Variants in ST6GALNAC3 observed in about 807,000 individuals in gnomAD.
ST6GALNAC3 encodes the protein alpha-N-acetylgalactosaminide alpha-2,6-sialyltransferase 3.
A neutral mutation model predicts 32.7 loss-of-function variants in ST6GALNAC3; 25 were observed. That is an observed-to-expected ratio of 0.76 (90% CI 0.56 to 1.07). The LOEUF (loss-of-function observed/expected upper bound fraction) is 1.07, where lower values mean the gene tolerates loss of function less well. ST6GALNAC3 is among the 50% of genes least tolerant of loss of function. ST6GALNAC3 has a pLI of 0.00. For missense variants in ST6GALNAC3, 355 were observed against 382.4 expected, an observed-to-expected ratio of 0.93 and a Z score of 0.60; for synonymous variants, 129 against 133.1, an observed-to-expected ratio of 0.97 and a Z score of 0.21.
intron 3 of ST6GALNAC3, among the ~76,000 whole-genome samples, chr1:76,605,906 T>C (rs1238965976): frequency 9.3e-6 from 1 of 107,402 alleles, no homozygotes; most frequent in African/African-American, 3.6e-5. Flanking sequence ...GCAAAGGACA[T>C]GAACAGACAT....
chr1:76,356,513 G>T (rs1000572401), intron 2 of ST6GALNAC3, among the ~76,000 whole-genome samples: 7 of 150,196 alleles, frequency 4.7e-5, no homozygotes, highest in African/African-American at 1.7e-4. Flanking sequence ...AATAACACTA[G>T]TAAGTAAATT....
chr1:76,567,666 A>C (rs1665632355), intron 3 of ST6GALNAC3, among the ~76,000 whole-genome samples: 1 of 152,218 alleles, frequency 6.6e-6, no homozygotes, highest in Non-Finnish European at 1.5e-5. Context: ...AGCCTAAATC[A>C]AATCATACTG....
rs55786044 is a variant in ST6GALNAC3 at position 76,357,130 on chromosome 1, C to CTTTTTTTT, written c.213+43139_213+43146dup. 4.3e-4 allele frequency among the ~76,000 whole-genome samples: 48 copies of CTTTTTTTT among 111,182 alleles called. 4 individuals carry two copies. The highest frequency in any genetic ancestry group is 1.0e-3 in the African/African-American group (30 of 29,600). 72.9% of individuals were successfully genotyped at this position (111,182 alleles called of 152,430 possible). ...TAGTTTTCTTTTTTCTTTTCTTTTT[C>CTTTTTTTT]TTTTTTTTTTTTTTTCATTTTTGAG... On this transcript the variant is annotated intron_variant, in intron 2 of 4. Coordinates refer to ENST00000328299, the MANE Select transcript of ST6GALNAC3 (RefSeq NM_152996.4).
At chr1:76,404,550 C>T (rs1653678824) in intron 2 of ST6GALNAC3, among the ~76,000 whole-genome samples, 2 of 151,978 alleles carry the variant, frequency 1.3e-5, no homozygotes, top group Admixed American at 1.3e-4. Context: ...AAAAGAACAT[C>T]AAGGAGAATA....
At chr1:76,192,951 T>C (rs1240210354) in intron 1 of ST6GALNAC3, among the ~76,000 whole-genome samples, 1 of 152,174 alleles carries the variant, frequency 6.6e-6, no homozygotes, top group East Asian at 1.9e-4. Flanking sequence ...AGAAAGGTCA[T>C]TTTTCAATTT....
chr1:76,582,145 A>G (rs368555342), intron 3 of ST6GALNAC3, among the ~76,000 whole-genome samples: 3 of 152,326 alleles, frequency 2.0e-5, no homozygotes, highest in East Asian at 3.9e-4. Context: ...CAAAGAGAAG[A>G]TTTCACATGT....
intron 3 of ST6GALNAC3, among the ~76,000 whole-genome samples, chr1:76,550,942 T>C (rs1253069459): frequency 6.6e-6 from 1 of 152,064 alleles, no homozygotes; most frequent in Admixed American, 6.6e-5. Flanking sequence ...GTAGTTTTAG[T>C]AAAGACAGGG....
intron 2 of ST6GALNAC3, among the ~76,000 whole-genome samples, chr1:76,390,199 A>G (rs1652427201): frequency 1.3e-5 from 2 of 152,196 alleles, no homozygotes; most frequent in African/African-American, 2.4e-5. Context: ...AGTCTAACAA[A>G]TATTTCTTAA....
chr1:76,495,724 T>C (rs1290297358), intron 3 of ST6GALNAC3, among the ~76,000 whole-genome samples: 1 of 152,194 alleles, frequency 6.6e-6, no homozygotes, highest in African/African-American at 2.4e-5. Context: ...GTATATTTAA[T>C]TGATTACTGA....
intron 3 of ST6GALNAC3, among the ~76,000 whole-genome samples, chr1:76,456,467 C>T (rs1175958459): frequency 6.6e-6 from 1 of 151,956 alleles, no homozygotes. Context: ...CCTCAGTGTC[C>T]TGAGTAGCTA....
intron 2 of ST6GALNAC3, among the ~76,000 whole-genome samples, chr1:76,374,811 G>A (rs548662842): frequency 2.2e-4 from 34 of 152,038 alleles, no homozygotes; most frequent in East Asian, 5.8e-4. Flanking sequence ...ATTTTTATTC[G>A]TTGATTCTTT....
chr1:76,130,826 T>A (rs920661358), intron 1 of ST6GALNAC3, among the ~76,000 whole-genome samples: 27 of 152,270 alleles, frequency 1.8e-4, no homozygotes, highest in Admixed American at 1.6e-3. Flanking sequence ...ATCGCAGAGG[T>A]TGCACCCCGC....
At chr1:76,314,276 C>A (rs1220386252) in intron 2 of ST6GALNAC3, among the ~76,000 whole-genome samples, 1 of 152,108 alleles carries the variant, frequency 6.6e-6, no homozygotes, top group African/African-American at 2.4e-5. Context: ...GCACAACGTA[C>A]ATATCTCTCC....
At chr1:76,164,194 G>A (rs550870947) in intron 1 of ST6GALNAC3, among the ~76,000 whole-genome samples, 43 of 152,176 alleles carry the variant, frequency 2.8e-4, no homozygotes, top group Non-Finnish European at 5.3e-4. Context: ...TTAGGGATAT[G>A]CTGATAGGCT....
At position 76,106,275 on chromosome 1, in the gene ST6GALNAC3, A is replaced by G. The variant is rs1298870492; in HGVS notation, c.18+31391A>G. ...AGACTAAAAATGTTGTTGTTATAAC[A>G]GATCCTTGTCTTGCAGGGCAGTCTT... On this transcript the variant is annotated intron_variant, in intron 1 of 4. Coordinates refer to ENST00000328299, the MANE Select transcript of ST6GALNAC3 (RefSeq NM_152996.4). 2.0e-5 allele frequency among the ~76,000 whole-genome samples: 3 copies of G among 152,340 alleles called. No homozygotes were observed. The East Asian group carries it at 5.8e-4, about 29-fold the overall frequency.
intron 3 of ST6GALNAC3, among the ~76,000 whole-genome samples, chr1:76,523,949 C>G (rs1398285986): frequency 6.6e-6 from 1 of 152,102 alleles, no homozygotes; most frequent in African/African-American, 2.4e-5. Context: ...TCAGCACAAT[C>G]TTCCAGAAAA....
At chr1:76,551,787 G>C (rs1404757492) in intron 3 of ST6GALNAC3, among the ~76,000 whole-genome samples, 1 of 152,036 alleles carries the variant, frequency 6.6e-6, no homozygotes, top group Non-Finnish European at 1.5e-5. Flanking sequence ...CTATTTCACT[G>C]TATGCTTGTA....
At chr1:76,436,630 T>C (rs536382888) in intron 3 of ST6GALNAC3, among the ~76,000 whole-genome samples, 1 of 152,280 alleles carries the variant, frequency 6.6e-6, no homozygotes, top group Admixed American at 6.5e-5. Flanking sequence ...TAATGAATCC[T>C]TAGTTTTGTA....
At chr1:76,473,824 C>A (rs192822372) in intron 3 of ST6GALNAC3, among the ~76,000 whole-genome samples, 1 of 152,178 alleles carries the variant, frequency 6.6e-6, no homozygotes, top group African/African-American at 2.4e-5. Flanking sequence ...TGAATCTGAG[C>A]CAGGCTTGGA....
Sources: gnomAD v4.1 joint callset for allele counts (sites outside exome capture counted in the v4.1 genomes callset) on GRCh38, gnomAD v4.1.1 for gene constraint, MANE v1.5 for transcripts, NCBI Gene and HGNC (gene_info 2026-07-23, HGNC 2026-07-21) for gene names.